The following RANBP2 variants were observed in gnomAD, a reference collection of about 807,000 sequenced individuals.
RANBP2 encodes the protein RAN binding protein 2.
A neutral mutation model predicts 303.6 loss-of-function variants in RANBP2; 57 were observed. That is an observed-to-expected ratio of 0.19 (90% CI 0.15 to 0.23). The LOEUF (loss-of-function observed/expected upper bound fraction) is 0.23. RANBP2 is among the 10% of genes least tolerant of loss of function. RANBP2 has a pLI of 1.00. For missense variants in RANBP2, 3,138 were observed against 3,780.8 expected (o/e 0.83, Z 4.46); for synonymous variants, 1,167 against 1,301.5 (o/e 0.90, Z 2.23).
At chr2:109,132,717 C>T in the RANBP2 span, among the ~76,000 whole-genome samples, 1 of 152,112 alleles carries the variant, frequency 6.6e-6, no homozygotes, top group Non-Finnish European at 1.5e-5. Flanking sequence ...ACTGTCTAAC[C>T]CTTGCAGTTG....
At chr2:109,292,873 C>T in the RANBP2 span, among the ~76,000 whole-genome samples, 1 of 152,178 alleles carries the variant, frequency 6.6e-6, no homozygotes, top group Non-Finnish European at 1.5e-5. Flanking sequence ...GTTGGGATTA[C>T]AGGTGTGCAC....
At chr2:109,230,662 C>T in the RANBP2 span, among the ~76,000 whole-genome samples, 17 of 152,172 alleles carry the variant, frequency 1.1e-4, no homozygotes, top group African/African-American at 2.7e-4. Flanking sequence ...TCCTGATAAA[C>T]CCATTGTAAT....
chr2:109,716,496 C>T, the RANBP2 span, among the ~76,000 whole-genome samples: 2 of 151,950 alleles, frequency 1.3e-5, no homozygotes, highest in African/African-American at 2.4e-5. Flanking sequence ...GTGATCCACC[C>T]GCCTCGGCCT....
At chr2:109,524,462 A>AC in the RANBP2 span, among the ~76,000 whole-genome samples, 20 of 63,298 alleles carry the variant, frequency 3.2e-4, no homozygotes, top group East Asian at 6.0e-3. Flanking sequence ...AAAAAAAAAA[A>AC]AAAACAAAAC....
the RANBP2 span, among the ~76,000 whole-genome samples, chr2:108,922,480 C>T: frequency 6.6e-6 from 1 of 152,252 alleles, no homozygotes. Context: ...ACAGAACCCT[C>T]CTCCTGGCTT....
chr2:109,425,513 G>C, the RANBP2 span, among the ~76,000 whole-genome samples: 1 of 152,206 alleles, frequency 6.6e-6, no homozygotes, highest in Non-Finnish European at 1.5e-5. Context: ...GGCTAATGCA[G>C]CTGGTGACTC....
chr2:109,708,432 C>T, the RANBP2 span, among the ~76,000 whole-genome samples: 8 of 149,386 alleles, frequency 5.4e-5, no homozygotes, highest in Non-Finnish European at 1.0e-4. Context: ...CAGAGGTGGG[C>T]GAATCTCTTG....
chr2:109,007,866 C>T, the RANBP2 span, among the ~76,000 whole-genome samples: 2 of 40,272 alleles, frequency 5.0e-5, no homozygotes, highest in East Asian at 1.5e-3. Context: ...TGCATGCTCA[C>T]ATAATCAAGA....
At chr2:108,922,551 G>A in the RANBP2 span, among the ~76,000 whole-genome samples, 1 of 152,180 alleles carries the variant, frequency 6.6e-6, no homozygotes, top group Non-Finnish European at 1.5e-5. Context: ...TTTCCAGCGT[G>A]ATAAGACGCA....
the RANBP2 span, chr2:108,907,941 C>T: frequency 6.2e-7 from 1 of 1,613,722 alleles, no homozygotes; most frequent in Non-Finnish European, 8.5e-7. Flanking sequence ...GGGAGCCCTG[C>T]TTGTCAGGGG....
the RANBP2 span, among the ~76,000 whole-genome samples, chr2:109,673,705 A>G: frequency 2.0e-5 from 3 of 152,120 alleles, no homozygotes; most frequent in Admixed American, 2.0e-4. Context: ...CTCTACTAAA[A>G]ATACAAAAAT....
chr2:108,851,599 G>A, the RANBP2 span, among the ~76,000 whole-genome samples: 6 of 151,748 alleles, frequency 4.0e-5, no homozygotes, highest in Non-Finnish European at 7.3e-5. Flanking sequence ...CACCGCGCCC[G>A]GCCTTTCTCT....
chr2:109,393,037 TCCAGC>T, the RANBP2 span, among the ~76,000 whole-genome samples: 9 of 152,146 alleles, frequency 5.9e-5, no homozygotes, highest in Admixed American at 5.9e-4. Context: ...TTGATCGAAG[TCCAGC>T]CCAGCCCAGC....
chr2:109,682,810 A>G, the RANBP2 span, among the ~76,000 whole-genome samples: 2 of 152,228 alleles, frequency 1.3e-5, no homozygotes, highest in South Asian at 2.1e-4. Flanking sequence ...CCCAACCCAT[A>G]TCACAGGAAG....
chr2:108,777,265 G>A (rs757684532), intron 25 of RANBP2, 34 bp downstream of exon 25: 2 of 1,549,188 alleles, frequency 1.3e-6, no homozygotes, highest in Non-Finnish European at 1.8e-6. Context: ...TAATGACATT[G>A]TTACAGAATC....
the RANBP2 span, among the ~76,000 whole-genome samples, chr2:109,063,244 C>T: frequency 6.6e-6 from 1 of 152,220 alleles, no homozygotes; most frequent in Non-Finnish European, 1.5e-5. Context: ...TGGGAAGATG[C>T]TGGAGAGCCA....
the RANBP2 span, among the ~76,000 whole-genome samples, chr2:109,266,352 A>C: frequency 6.6e-6 from 1 of 151,694 alleles, no homozygotes; most frequent in Non-Finnish European, 1.5e-5. Context: ...GTATGTATAC[A>C]CAGGATCCAC....
chr2:109,104,483 T>G, the RANBP2 span, among the ~76,000 whole-genome samples: 1 of 146,690 alleles, frequency 6.8e-6, no homozygotes, highest in Non-Finnish European at 1.5e-5. Flanking sequence ...TTGGTTGTTT[T>G]ATGTTTCTTT....
chr2:109,569,033 C>G, the RANBP2 span, among the ~76,000 whole-genome samples: 1 of 152,172 alleles, frequency 6.6e-6, no homozygotes, highest in Non-Finnish European at 1.5e-5. Context: ...AAATTTGTGA[C>G]TGGTGGTTCT....
Sources: gnomAD v4.1 joint callset for allele counts (sites outside exome capture counted in the v4.1 genomes callset) on GRCh38, gnomAD v4.1.1 for gene constraint, MANE v1.5 for transcripts, NCBI Gene and HGNC (gene_info 2026-07-23, HGNC 2026-07-21) for gene names.